VAV2: variants seen among roughly 807,000 people sequenced by gnomAD.
The protein encoded by VAV2 is vav guanine nucleotide exchange factor 2.
VAV2 carries 67 observed loss-of-function variants against 132.5 expected under a neutral mutation model. That is an observed-to-expected ratio of 0.51 (90% CI 0.42 to 0.62). The LOEUF (loss-of-function observed/expected upper bound fraction) is 0.62. VAV2 is among the 20% of genes least tolerant of loss of function. VAV2 has a pLI of 0.00. For missense variants in VAV2, 938 were observed against 1,153.6 expected (o/e 0.81, Z 2.71); for synonymous variants, 492 against 443.5 (o/e 1.11, Z -1.37).
chr9:133,964,820 C>T (rs902988826), intron 1 of VAV2, among the ~76,000 whole-genome samples: 2 of 152,102 alleles, frequency 1.3e-5, no homozygotes, highest in African/African-American at 2.4e-5. Context: ...AGGAGCACTC[C>T]TCTACACAAT....
At chr9:133,838,983 A>AATGG (rs1188674379) in intron 3 of VAV2, among the ~76,000 whole-genome samples, 26 of 118,562 alleles carry the variant, frequency 2.2e-4, no homozygotes, top group Non-Finnish European at 5.3e-5. Context: ...TGGATGGATG[A>AATGG]ATGGATGGAT....
intron 2 of VAV2, among the ~76,000 whole-genome samples, chr9:133,921,836 C>T (rs1009805784): frequency 3.9e-5 from 6 of 152,344 alleles, no homozygotes; most frequent in East Asian, 1.9e-4. Flanking sequence ...GAGCCCCATC[C>T]GTCATGGAAA....
rs935298480 is a variant in VAV2, at chr9:133,863,481, C to T, written c.322-2049G>A. 2.6e-5 allele frequency among the ~76,000 whole-genome samples: 4 copies of T among 152,218 alleles called. No homozygotes were observed. Among genetic ancestry groups the T allele is most frequent in the African/African-American group, 7.2e-5 (3 of 41,448 alleles). ...ACAGAGAGGAGGCGTGGCGGGCGAG[C>T]CAGCCAAGGCCAGAACATGGTTCTC... On this transcript the variant is annotated intron_variant, in intron 2 of 29. Transcript: ENST00000371850. This position sits in a 1 kb window ranked among gnomAD's most constrained non-coding sequence, Gnocchi z 5.0.
rs774081477 is a variant in VAV2, at chr9:133,778,814, G to A, written c.1838C>T (p.Thr613Met). ...PPGKPVLTFQ[T>M]GDVLELLRGD... is the part of the protein sequence containing the mutation. ...CCTCAGCAGCTCAAGCACGTCGCCC[G>A]TCTGGAAGGTCAGCACAGGCTTCCC... The change falls in exon 22 of 30, where the codon ACG (threonine) becomes ATG (methionine). Residue 613 changes from threonine (T) to methionine (M), a missense_variant. Transcript: ENST00000371850. 3.5e-5 allele frequency: 56 copies of A among 1,612,982 alleles called. No homozygotes were observed. The highest frequency in any genetic ancestry group is 1.6e-4 in the Middle Eastern group (1 of 6,084).
Position 133,926,046 on chromosome 9 carries a change from C to T in VAV2, c.321+13057G>A, listed in dbSNP as rs1015108880. The T allele has an allele frequency of 1.4e-5, 2 of 146,052 alleles. No homozygotes were observed. The highest frequency in any genetic ancestry group is 4.0e-4 in the East Asian group (2 of 4,960). 9.0% of individuals were successfully genotyped at this position (146,052 alleles called of 1,614,324 possible). On this transcript the variant is annotated intron_variant, in intron 2 of 29. Transcript: ENST00000371850. The surrounding 1 kb of genome is among the most constrained non-coding windows in gnomAD (Gnocchi z 4.3). The stretch of plus-strand genomic sequence containing the variant: ...AAAAAAAAGCATGCACCAGTTGCAC[C>T]AGGACCAGCTAAGAAAATGCAAGCT...
At chr9:133,931,315 A>G (rs1213010220) in intron 2 of VAV2, among the ~76,000 whole-genome samples, 1 of 152,198 alleles carries the variant, frequency 6.6e-6, no homozygotes, top group Non-Finnish European at 1.5e-5. Flanking sequence ...GGGCTGAAGC[A>G]GCTCCACAGC....
At chr9:133,901,676 T>C (rs763338355) in intron 2 of VAV2, among the ~76,000 whole-genome samples, 1 of 152,188 alleles carries the variant, frequency 6.6e-6, no homozygotes. Flanking sequence ...GCCTGGTGAC[T>C]CTACCTAGGT....
chr9:133,780,686 G>A lies in VAV2; in HGVS notation c.1740+8C>T. ...GGCAGAGGGAGGGGAAACACTCTGG[G>A]GACTTACCAGATCTGCAGGAGAAGC... On this transcript the variant is annotated splice_region_variant and intron_variant, in intron 20 of 29. Transcript: ENST00000371850. 7.8e-7 allele frequency: 1 copy of A among 1,279,314 alleles called. No homozygotes were observed. Among genetic ancestry groups the A allele is most frequent in the Non-Finnish European group, 9.9e-7 (1 of 1,005,076 alleles). 79.2% of individuals were successfully genotyped at this position (1,279,314 alleles called of 1,614,324 possible).
At chr9:133,836,248 C>T (rs181678901) in intron 3 of VAV2, among the ~76,000 whole-genome samples, 314 of 152,270 alleles carry the variant, frequency 2.1e-3, no homozygotes, top group Middle Eastern at 0.017. Flanking sequence ...CACAGGAGCA[C>T]GTGGGGGGCC....
chr9:133,982,706 G>C (rs1431683373), intron 1 of VAV2, among the ~76,000 whole-genome samples: 29 of 152,190 alleles, frequency 1.9e-4, no homozygotes. Flanking sequence ...TGGTTTCATA[G>C]GGCCCGCCGC....
chr9:133,780,157 CT>C, intron 20 of VAV2: 1 of 601,028 alleles, frequency 1.7e-6, no homozygotes, highest in Non-Finnish European at 2.8e-6. Context: ...GGTCTGTGCC[CT>C]TCTCTCTCCC....
Position 133,783,524 on chromosome 9 carries a change from C to T in VAV2, c.1702G>A (p.Val568Met), listed in dbSNP as rs760558503. The stretch of plus-strand genomic sequence containing the variant: ...TCACTGAACTTGCAGGGAGGTATCA[C>T]TTCCAGGCACTCCTTGTGTGCCCCG... ...GVGAHKECLE[V>M]IPPCKFTSPA... The change falls in exon 19 of 30, where the codon GTG (valine) becomes ATG (methionine). Residue 568 changes from valine (V) to methionine (M), a missense_variant. Coordinates refer to ENST00000371850, the MANE Select transcript of VAV2 (RefSeq NM_001134398.2). 1.2e-6 allele frequency: 2 copies of T among 1,613,848 alleles called. No individual in the cohort carries two copies. Among genetic ancestry groups the T allele is most frequent in the Admixed American group, 3.3e-5 (2 of 60,014 alleles).
intron 1 of VAV2, among the ~76,000 whole-genome samples, chr9:133,945,522 A>ATCTGAAC (rs2132159004): frequency 6.6e-6 from 1 of 152,340 alleles, no homozygotes; most frequent in Non-Finnish European, 1.5e-5. Context: ...GTGACCCGCG[A>ATCTGAAC]TCTGAACCCA....
rs1840207565 is a variant in VAV2, at chr9:133,919,112, AC to A, written c.321+19990del. On this transcript the variant is annotated intron_variant, in intron 2 of 29. Coordinates refer to ENST00000371850, the MANE Select transcript of VAV2 (RefSeq NM_001134398.2). The surrounding 1 kb of genome is among the most constrained non-coding windows in gnomAD (Gnocchi z 5.8). ...AAAGACTTCCCCACATCCCATCCTC[AC>A]ACTTTCTTCACTGACCTAGCTCCGC... Among the ~76,000 whole-genome samples the A allele has an allele frequency of 6.6e-6, 1 of 151,758 alleles. No homozygotes were observed. The highest frequency in any genetic ancestry group is 1.5e-5 in the Non-Finnish European group (1 of 67,940).
rs186462634 is a variant in VAV2 at position 133,860,662 on chromosome 9, C to A, written c.380+712G>T. On this transcript the variant is annotated intron_variant, in intron 3 of 29. Coordinates refer to ENST00000371850, the MANE Select transcript of VAV2 (RefSeq NM_001134398.2). The stretch of plus-strand genomic sequence containing the variant: ...GCCAGGCTCTCTCTGCCATTCCAGC[C>A]TCTCCTTCTCACCCTGCTGGCCCCT... Among the ~76,000 whole-genome samples the A allele has an allele frequency of 8.6e-5, 13 of 152,034 alleles. No homozygotes were observed. The East Asian group carries it at 2.1e-3, about 25-fold the overall frequency.
Position 133,779,952 on chromosome 9 carries a change from G to T in VAV2, c.1741-13C>A, listed in dbSNP as rs374211267. 7 of 1,612,466 alleles carry T rather than the reference G, an allele frequency of 4.3e-6. No homozygotes were observed. The highest frequency in any genetic ancestry group is 5.1e-6 in the Non-Finnish European group (6 of 1,179,666). On this transcript the variant is annotated splice_polypyrimidine_tract_variant and intron_variant, in intron 20 of 29. Coordinates refer to ENST00000371850, the MANE Select transcript of VAV2 (RefSeq NM_001134398.2). ...CTCCGGAGGCGTCCTGTGAGGACAA[G>T]GACAGAACACAGAGATGAGGGAAGG...
chr9:133,851,913 A>G lies in VAV2; in HGVS notation c.380+9461T>C, dbSNP rs867081946. ...CATGGATGGATGGATGGATGGGTGG[A>G]TGGATGGATGGATGGATGGATGGAT... On this transcript the variant is annotated intron_variant, in intron 3 of 29. Coordinates refer to ENST00000371850, the MANE Select transcript of VAV2 (RefSeq NM_001134398.2). 7.4e-5 allele frequency among the ~76,000 whole-genome samples: 9 copies of G among 121,000 alleles called. No homozygotes were observed. The South Asian group carries it at 8.3e-4, about 11-fold the overall frequency. 79.4% of individuals were successfully genotyped at this position (121,000 alleles called of 152,430 possible).
intron 20 of VAV2, chr9:133,780,181 G>A (rs933183224): frequency 9.2e-5 from 51 of 552,538 alleles, no homozygotes; most frequent in South Asian, 2.2e-4. Context: ...TCCTTACCAC[G>A]GGCCCCCACC....
intron 2 of VAV2, among the ~76,000 whole-genome samples, chr9:133,916,251 G>C (rs139736998): frequency 2.0e-5 from 3 of 152,256 alleles, no homozygotes; most frequent in Non-Finnish European, 2.9e-5. Context: ...AGGCAACACC[G>C]AGCTGGGCTT....
Sources: allele counts gnomAD v4.1 joint callset (sites outside exome capture counted in the v4.1 genomes callset), GRCh38; gene constraint gnomAD v4.1.1; non-coding constraint Gnocchi (gnomAD v3.1); transcripts MANE v1.5; gene names NCBI Gene and HGNC (gene_info 2026-07-23, HGNC 2026-07-21).